The following HNF1B variants were observed in gnomAD, a reference collection of about 807,000 sequenced individuals.
HNF1B encodes hepatocyte nuclear factor 1-beta.
HNF1B carries 8 observed loss-of-function variants against 61.7 expected under a neutral mutation model. The ratio of observed to expected loss-of-function variants is 0.13; its 90% confidence interval spans 0.08 to 0.23. HNF1B has a LOEUF of 0.23. Among genes scored for constraint, HNF1B ranks in the 10% least tolerant of loss-of-function variants. HNF1B has a pLI of 1.00. For missense variants in HNF1B, 562 were observed against 714.5 expected, an observed-to-expected ratio of 0.79 and a Z score of 2.43; for synonymous variants, 314 against 287.7, an observed-to-expected ratio of 1.09 and a Z score of -0.93.
chr17:37,693,280 G>C (rs2032271228), intron 8 of HNF1B, among the ~76,000 whole-genome samples: 1 of 151,916 alleles, frequency 6.6e-6, no homozygotes, highest in Non-Finnish European at 1.5e-5. Context: ...CAGGGAGGGG[G>C]CTACCACTTT....
chr17:37,702,592 G>A (rs1189239522), intron 6 of HNF1B, among the ~76,000 whole-genome samples: 3 of 152,172 alleles, frequency 2.0e-5, no homozygotes, highest in Non-Finnish European at 2.9e-5. Context: ...TGAATGTGCC[G>A]TTTTTGAGAA....
rs750715350 is a variant in HNF1B at position 37,710,572 on chromosome 17, C to G, written c.1137G>C (p.Ser379=). The G allele has an allele frequency of 2.5e-6, 4 of 1,614,138 alleles. No individual in the cohort carries two copies. In the South Asian group the frequency reaches 4.4e-5, roughly 18 times the overall value. Reference sequence around the variant, plus strand: ...TGGCTGGGGAGACTTGCTGTAAAACCGACTGGCTGGTCACCATGGCGCTGT... The same window carrying G: ...TGGCTGGGGAGACTTGCTGTAAAACGGACTGGCTGGTCACCATGGCGCTGT... ...HGNSAMVTSQ[S]VLQQVSPASL... Residue 379 remains serine (S), a synonymous_variant, in exon 5 of 9, where the codon TCG becomes TCC. Coordinates refer to ENST00000617811, the MANE Select transcript of HNF1B (RefSeq NM_000458.4).
intron 4 of HNF1B, among the ~76,000 whole-genome samples, chr17:37,727,850 G>C (rs11263759): frequency 0.031 from 4,713 of 152,172 alleles, 228 homozygotes; most frequent in African/African-American, 0.11. Flanking sequence ...CAGCCCTCCT[G>C]GCTCAGGTGC....
intron 8 of HNF1B, among the ~76,000 whole-genome samples, chr17:37,693,690 G>C (rs936554660): frequency 6.6e-6 from 1 of 152,200 alleles, no homozygotes; most frequent in African/African-American, 2.4e-5. Flanking sequence ...TTGATACCTA[G>C]TGATATGGTT....
At chr17:37,696,029 T>G (rs1284951662) in intron 8 of HNF1B, among the ~76,000 whole-genome samples, 1 of 152,132 alleles carries the variant, frequency 6.6e-6, no homozygotes, top group Non-Finnish European at 1.5e-5. Context: ...GTGTGTCCCC[T>G]CCAAATCTCA....
intron 2 of HNF1B, among the ~76,000 whole-genome samples, chr17:37,736,609 C>A (rs1401538584): frequency 6.6e-6 from 1 of 152,182 alleles, no homozygotes; most frequent in East Asian, 1.9e-4. Context: ...GCCACGTACC[C>A]CGCAAACGCT....
At chr17:37,742,516 G>A (rs1453190091) in intron 1 of HNF1B, among the ~76,000 whole-genome samples, 2 of 152,216 alleles carry the variant, frequency 1.3e-5, no homozygotes, top group East Asian at 3.9e-4. Context: ...GGAACCGCTA[G>A]CGATTTCTTG....
chr17:37,737,792 G>A (rs187886494), intron 2 of HNF1B, among the ~76,000 whole-genome samples: 30 of 152,154 alleles, frequency 2.0e-4, no homozygotes, highest in African/African-American at 5.3e-4. Context: ...CCAAGATCGC[G>A]CCACTGCACT....
intron 4 of HNF1B, among the ~76,000 whole-genome samples, chr17:37,717,701 A>G (rs971060015): frequency 2.6e-5 from 4 of 152,190 alleles, no homozygotes; most frequent in African/African-American, 9.7e-5. Flanking sequence ...TGAACTTCTG[A>G]GAGGCCCATT....
At chr17:37,691,791 C>G (rs2032213897) in intron 8 of HNF1B, among the ~76,000 whole-genome samples, 1 of 152,134 alleles carries the variant, frequency 6.6e-6, no homozygotes, top group Non-Finnish European at 1.5e-5. Context: ...ATGCTCCCAA[C>G]CATCAGAACA....
intron 4 of HNF1B, among the ~76,000 whole-genome samples, chr17:37,712,182 T>C (rs1026927751): frequency 1.3e-5 from 2 of 152,232 alleles, no homozygotes; most frequent in African/African-American, 2.4e-5. Flanking sequence ...CTATGAGCTT[T>C]TCTATTGGCC....
At chr17:37,709,695 G>A (rs1454234451) in intron 5 of HNF1B, among the ~76,000 whole-genome samples, 2 of 152,104 alleles carry the variant, frequency 1.3e-5, no homozygotes, top group African/African-American at 2.4e-5. Flanking sequence ...ACATTTACAC[G>A]ACAACAACAA....
At chr17:37,688,380 A>AACACACACAC (rs5820230) in intron 8 of HNF1B, among the ~76,000 whole-genome samples, 6,947 of 136,104 alleles carry the variant, frequency 0.051, 219 homozygotes, top group African/African-American at 0.081. Flanking sequence ...GATCCCCCCA[A>AACACACACAC]ACACACACAC....
At chr17:37,725,930 G>A (rs1298236834) in intron 4 of HNF1B, among the ~76,000 whole-genome samples, 4 of 152,236 alleles carry the variant, frequency 2.6e-5, no homozygotes, top group Admixed American at 1.3e-4. Context: ...AATGGGGATG[G>A]GGTCATGAAA....
intron 1 of HNF1B, among the ~76,000 whole-genome samples, chr17:37,740,597 G>C (rs762045093): frequency 2.6e-5 from 4 of 151,758 alleles, no homozygotes; most frequent in Admixed American, 6.6e-5. Context: ...GTATCTCCTT[G>C]GGACGGGAGG....
chr17:37,719,449 A>G (rs1182565622), intron 4 of HNF1B, among the ~76,000 whole-genome samples: 2 of 152,246 alleles, frequency 1.3e-5, no homozygotes, highest in Non-Finnish European at 2.9e-5. Context: ...GGCAACATGA[A>G]TAACTTTTAA....
intron 2 of HNF1B, among the ~76,000 whole-genome samples, chr17:37,734,681 A>G (rs1384066967): frequency 6.6e-6 from 1 of 152,180 alleles, no homozygotes; most frequent in Admixed American, 6.6e-5. Flanking sequence ...GGAGTGATTA[A>G]TTCCATTTTA....
At chr17:37,718,304 C>T (rs1029743656) in intron 4 of HNF1B, among the ~76,000 whole-genome samples, 2 of 152,190 alleles carry the variant, frequency 1.3e-5, no homozygotes, top group Non-Finnish European at 1.5e-5. Flanking sequence ...GGCCACCACG[C>T]CTCATCCTTA....
chr17:37,723,218 A>G lies in HNF1B; in HGVS notation c.1045+8377T>C, dbSNP rs531671162. Among the ~76,000 whole-genome samples the G allele has an allele frequency of 4.9e-3, 736 of 150,420 alleles. 7 individuals carry two copies. The highest frequency in any genetic ancestry group is 0.016 in the African/African-American group (678 of 41,116). The stretch of plus-strand genomic sequence containing the variant: ...AAAAATTAGCCGGGCGTGGTGGTGG[A>G]CGCCTGTAGTCCCAGCTACTCGGGA... On this transcript the variant is annotated intron_variant, in intron 4 of 8. Transcript: ENST00000617811.
Sources: gnomAD v4.1 joint callset for allele counts (sites outside exome capture counted in the v4.1 genomes callset) on GRCh38, gnomAD v4.1.1 for gene constraint, MANE v1.5 for transcripts, NCBI Gene and HGNC (gene_info 2026-07-23, HGNC 2026-07-21) for gene names.